The following ADAMTSL3 variants were observed in gnomAD, a reference collection of about 807,000 sequenced individuals.
ADAMTSL3 encodes the protein ADAMTS like 3.
In ADAMTSL3, 128 loss-of-function variants were observed where a neutral mutation model predicts 201.7. The ratio of observed to expected loss-of-function variants is 0.63; its 90% CI spans 0.55 to 0.73. The LOEUF is 0.73. ADAMTSL3 is among the 30% of genes least tolerant of loss of function. The pLI, the probability that ADAMTSL3 is intolerant of heterozygous loss-of-function variation, is 0.00. For missense variants in ADAMTSL3, 1,990 were observed against 2,119.6 expected (o/e 0.94, Z 1.20); for synonymous variants, 738 against 748.4 (o/e 0.99, Z 0.23).
chr15:83,855,331 C>G (rs2064708878), intron 7 of ADAMTSL3, among the ~76,000 whole-genome samples: 2 of 152,224 alleles, frequency 1.3e-5, no homozygotes, highest in East Asian at 3.9e-4. Flanking sequence ...TATTGTTTTC[C>G]CCAATTGTTA....
chr15:83,780,684 C>A (rs2063153970), intron 4 of ADAMTSL3, among the ~76,000 whole-genome samples: 1 of 152,166 alleles, frequency 6.6e-6, no homozygotes, highest in South Asian at 2.1e-4. Context: ...TCCCTGTTGG[C>A]AGATGACATA....
intron 3 of ADAMTSL3, among the ~76,000 whole-genome samples, chr15:83,711,018 TAATAAC>T (rs901000693): frequency 2.6e-5 from 4 of 152,222 alleles, no homozygotes; most frequent in Non-Finnish European, 5.9e-5. Context: ...TTAATACTAA[TAATAAC>T]AATAATATAT....
rs112354860 is a variant in ADAMTSL3 at position 83,724,641 on chromosome 15, T to C, written c.189+20133T>C. 8.9e-4 allele frequency among the ~76,000 whole-genome samples: 135 copies of C among 152,208 alleles called. 2 individuals carry two copies. The highest frequency in any genetic ancestry group is 7.9e-4 in the African/African-American group (33 of 41,560). ...TTGTGCTACCAGATACTAGATCTTA[T>C]TCATTTTATCTAACTATATTTTTGT... On this transcript the variant is annotated intron_variant, in intron 3 of 29. Coordinates refer to ENST00000286744, the MANE Select transcript of ADAMTSL3 (RefSeq NM_207517.3).
chr15:83,675,311 T>C (rs562859363), intron 2 of ADAMTSL3, among the ~76,000 whole-genome samples: 1 of 152,074 alleles, frequency 6.6e-6, no homozygotes, highest in African/African-American at 2.4e-5. Flanking sequence ...CATGGAAGAA[T>C]TTTTTTTAAA....
intron 3 of ADAMTSL3, among the ~76,000 whole-genome samples, chr15:83,723,011 G>T (rs951559557): frequency 6.6e-6 from 1 of 152,110 alleles, no homozygotes; most frequent in Non-Finnish European, 1.5e-5. Flanking sequence ...GCCTTAAAAT[G>T]AATACTTGTC....
At chr15:83,777,850 C>G (rs990287101) in intron 4 of ADAMTSL3, among the ~76,000 whole-genome samples, 1 of 152,138 alleles carries the variant, frequency 6.6e-6, no homozygotes, top group Non-Finnish European at 1.5e-5. Context: ...TGTTGAAACC[C>G]AGTCCAAGGA....
At chr15:83,931,089 T>G (rs1443109044) in intron 17 of ADAMTSL3, among the ~76,000 whole-genome samples, 1 of 152,220 alleles carries the variant, frequency 6.6e-6, no homozygotes, top group Non-Finnish European at 1.5e-5. Context: ...GCTGAGTGCC[T>G]GCTATTTATG....
chr15:83,712,617 C>T lies in ADAMTSL3; in HGVS notation c.189+8109C>T, dbSNP rs74024549. ...TTCCTTCCAAGGTCATGCCATGATC[C>T]GGGGAGTGTTCAAGAATTAACACTT... is the stretch of plus-strand genomic sequence containing the variant. On this transcript the variant is annotated intron_variant, in intron 3 of 29. Coordinates refer to ENST00000286744, the MANE Select transcript of ADAMTSL3 (RefSeq NM_207517.3). Among the ~76,000 whole-genome samples the T allele has an allele frequency of 2.6e-3, 390 of 152,278 alleles. 2 individuals are homozygous for T. Among genetic ancestry groups the T allele is most frequent in the African/African-American group, 8.8e-3 (364 of 41,564 alleles).
rs1352199731 is a variant in ADAMTSL3, at chr15:83,845,858, G to A, written c.727+7643G>A. 3.3e-5 allele frequency among the ~76,000 whole-genome samples: 5 copies of A among 152,122 alleles called. No homozygotes were observed. In the East Asian group the frequency reaches 5.8e-4, roughly 18 times the overall value. On this transcript the variant is annotated intron_variant, in intron 7 of 29. Coordinates refer to ENST00000286744, the MANE Select transcript of ADAMTSL3 (RefSeq NM_207517.3). ...CTTGGTTGCCTTTTAACATGTTATTGTCACAACCTGCAAGAGGGAGGTTTA... is the reference window on the plus strand; with the variant it reads ...CTTGGTTGCCTTTTAACATGTTATTATCACAACCTGCAAGAGGGAGGTTTA...
At chr15:83,958,359 A>G (rs1197398368) in intron 19 of ADAMTSL3, among the ~76,000 whole-genome samples, 1 of 152,226 alleles carries the variant, frequency 6.6e-6, no homozygotes, top group Non-Finnish European at 1.5e-5. Flanking sequence ...TGTCAGAATT[A>G]TAATCCAAGT....
intron 19 of ADAMTSL3, among the ~76,000 whole-genome samples, chr15:83,945,243 G>A (rs149640565): frequency 2.2e-4 from 34 of 152,166 alleles, no homozygotes; most frequent in South Asian, 8.3e-4. Context: ...AGCTCTCCCC[G>A]GAAAGTTGCC....
rs185063935 is a variant in ADAMTSL3 at position 83,747,055 on chromosome 15, C to A, written c.190-26468C>A. 5.9e-5 allele frequency among the ~76,000 whole-genome samples: 9 copies of A among 152,168 alleles called. No homozygotes were observed. In the South Asian group the frequency reaches 1.7e-3, roughly 28 times the overall value. ...ATATACTTTACCTCTGTGTGGACAT[C>A]GAGAAAAATGCCAAGACTAATAGAA... On this transcript the variant is annotated intron_variant, in intron 3 of 29. Transcript: ENST00000286744.
At chr15:84,001,316 A>C (rs577139023) in intron 23 of ADAMTSL3, among the ~76,000 whole-genome samples, 1 of 152,224 alleles carries the variant, frequency 6.6e-6, no homozygotes, top group Non-Finnish European at 1.5e-5. Context: ...AGTATGTGCT[A>C]ATAGGCAGCA....
chr15:83,795,717 T>A (rs1339577894), intron 4 of ADAMTSL3, among the ~76,000 whole-genome samples: 1 of 152,196 alleles, frequency 6.6e-6, no homozygotes, highest in Non-Finnish European at 1.5e-5. Flanking sequence ...TATATTACAT[T>A]GAATACATAT....
At chr15:83,703,651 T>C (rs779244524) in intron 2 of ADAMTSL3, among the ~76,000 whole-genome samples, 2 of 152,158 alleles carry the variant, frequency 1.3e-5, no homozygotes, top group Non-Finnish European at 2.9e-5. Context: ...GCCATGATAC[T>C]GAGGCCTCCC....
At chr15:83,735,475 T>C (rs1363882202) in intron 3 of ADAMTSL3, among the ~76,000 whole-genome samples, 1 of 152,158 alleles carries the variant, frequency 6.6e-6, no homozygotes, top group Non-Finnish European at 1.5e-5. Flanking sequence ...AAAGGAAATA[T>C]TTCAATGTTG....
intron 17 of ADAMTSL3, among the ~76,000 whole-genome samples, chr15:83,925,162 A>G (rs1040822099): frequency 6.6e-6 from 1 of 152,174 alleles, no homozygotes; most frequent in African/African-American, 2.4e-5. Context: ...AGGTCCCCCT[A>G]GAAATCAGGC....
rs537310195 is a variant in ADAMTSL3 at position 83,976,380 on chromosome 15, G to A, written c.2644+5743G>A. Among the ~76,000 whole-genome samples, 3 of 152,240 alleles carry A rather than the reference G, an allele frequency of 2.0e-5. No homozygotes were observed. The East Asian group carries it at 5.8e-4, about 29-fold the overall frequency. ...GGTCTACAGCCATTTTGGCACCAGGGACCAGTTTCATGGAAGACAGTTTTT... is the reference window on the plus strand; with the variant it reads ...GGTCTACAGCCATTTTGGCACCAGGAACCAGTTTCATGGAAGACAGTTTTT... On this transcript the variant is annotated intron_variant, in intron 20 of 29. Transcript: ENST00000286744.
chr15:83,820,079 T>C, intron 6 of ADAMTSL3, 32 bp downstream of exon 6: 1 of 1,544,168 alleles, frequency 6.5e-7, no homozygotes, highest in South Asian at 1.1e-5. Context: ...TCCCCTGCTT[T>C]GGGGATGTGC....
Sources: gnomAD v4.1 joint callset for allele counts (sites outside exome capture counted in the v4.1 genomes callset) on GRCh38, gnomAD v4.1.1 for gene constraint, MANE v1.5 for transcripts, NCBI Gene and HGNC (gene_info 2026-07-23, HGNC 2026-07-21) for gene names.